The following DNAH1 variants were observed in gnomAD, a reference collection of about 807,000 sequenced individuals.
DNAH1 encodes the protein axonemal beta dynein heavy chain 1.
DNAH1 carries 327 observed loss-of-function variants against 484.3 expected under a neutral mutation model. The observed-to-expected ratio is 0.68, with a 90% CI of 0.62 to 0.74. The LOEUF (loss-of-function observed/expected upper bound fraction) is 0.74, where lower values mean the gene tolerates loss of function less well. DNAH1 is among the 30% of genes least tolerant of loss of function. DNAH1 has a pLI of 0.00. For synonymous variants in DNAH1, 2,192 were observed against 2,191.9 expected, an observed-to-expected ratio of 1.00 and a Z score of 0.00; for missense variants, 5,052 against 5,546.8, an observed-to-expected ratio of 0.91 and a Z score of 2.83.
At chr3:52,337,155 T>C (rs939988351) in intron 8 of DNAH1, among the ~76,000 whole-genome samples, 2 of 152,216 alleles carry the variant, frequency 1.3e-5, no homozygotes, top group Non-Finnish European at 2.9e-5. Flanking sequence ...CTTGGTTAAA[T>C]GTATTCCTAG....
chr3:52,323,737 G>T (rs983702757), intron 2 of DNAH1, 71 bp from the exon 3 acceptor site: 1 of 1,320,704 alleles, frequency 7.6e-7, no homozygotes, highest in Non-Finnish European at 1.1e-6. Context: ...GCCTGGGCTC[G>T]GGGTCCCTCC....
chr3:52,388,711 C>A (rs1294005909), intron 58 of DNAH1, 95 bp from the exon 59 acceptor site: 5 of 1,604,678 alleles, frequency 3.1e-6, no homozygotes, highest in Non-Finnish European at 4.2e-6. Flanking sequence ...GTCCACACCC[C>A]CTCCCTGGCA....
intron 26 of DNAH1, 102 bp downstream of exon 26, chr3:52,359,488 G>A: frequency 3.4e-6 from 5 of 1,469,928 alleles, no homozygotes; most frequent in South Asian, 2.7e-5. Flanking sequence ...GCCTGGAAGA[G>A]GCCTGGGGTT....
intron 1 of DNAH1, among the ~76,000 whole-genome samples, chr3:52,320,777 C>T (rs1455912525): frequency 6.7e-6 from 1 of 148,410 alleles, no homozygotes; most frequent in Non-Finnish European, 1.5e-5. Context: ...CATTAAGATG[C>T]TTTCCTTTTC....
rs540859113 is a variant in DNAH1 at position 52,372,605 on chromosome 3, C to T, written c.6827+218C>T. Among the ~76,000 whole-genome samples the T allele has an allele frequency of 9.2e-5, 14 of 152,362 alleles. No individual in the cohort carries two copies. In the South Asian group the frequency reaches 1.4e-3, roughly 16 times the overall value. On this transcript the variant is annotated intron_variant, in intron 43 of 77. Transcript: ENST00000420323. Reference sequence around the variant, plus strand: ...CAAAGCCAGTCAGCGAGTGGGTGCTCGCCCTGGCTGTGCCCTTGGACAGGG... The same window carrying T: ...CAAAGCCAGTCAGCGAGTGGGTGCTTGCCCTGGCTGTGCCCTTGGACAGGG...
At position 52,367,137 on chromosome 3, in the gene DNAH1, G is replaced by A. The variant is rs189779608; in HGVS notation, c.5765+250G>A. On this transcript the variant is annotated intron_variant, in intron 36 of 77. Transcript: ENST00000420323. Reference sequence around the variant, plus strand: ...TGGTAAGGCAAGAATGACTTAACACGCTCAGTGCCTCTGCAGTATCTGGCC... The same window carrying A: ...TGGTAAGGCAAGAATGACTTAACACACTCAGTGCCTCTGCAGTATCTGGCC... Among the ~76,000 whole-genome samples, 309 of 152,308 alleles carry A rather than the reference G, an allele frequency of 2.0e-3. 1 individual carries two copies. The highest frequency in any genetic ancestry group is 3.0e-3 in the Non-Finnish European group (203 of 68,034).
At chr3:52,374,134 A>G (rs1417603641) in intron 44 of DNAH1, 1 of 1,202,754 alleles carries the variant, frequency 8.3e-7, no homozygotes, top group Non-Finnish European at 1.2e-6. Flanking sequence ...TCTATGGGAA[A>G]TTCCTAGGCT....
upstream of DNAH1, among the ~76,000 whole-genome samples, chr3:52,314,189 T>C (rs1700877597): frequency 2.6e-5 from 4 of 152,258 alleles, no homozygotes; most frequent in South Asian, 8.3e-4. Flanking sequence ...TCCTTGGGAC[T>C]GAGGAAAAAT....
chr3:52,345,894 G>A (rs555747483), intron 10 of DNAH1, among the ~76,000 whole-genome samples, 188 bp downstream of exon 10: 3 of 152,308 alleles, frequency 2.0e-5, no homozygotes, highest in East Asian at 3.9e-4. Flanking sequence ...TGGGGACCAA[G>A]GGTAATGACT....
intron 17 of DNAH1, 119 bp downstream of exon 17, chr3:52,352,222 G>A (rs1459127617): frequency 1.3e-5 from 17 of 1,352,796 alleles, no homozygotes; most frequent in Non-Finnish European, 1.5e-5. Flanking sequence ...TGTGATGGGC[G>A]GGCAGATGGA....
rs754284210 is a variant in DNAH1 at position 52,345,500 on chromosome 3, G to T, written c.1450G>T (p.Val484Leu). ...EEEQVPERGLVSVPKYHFWEQ... is the reference protein window; with the variant it reads ...EEEQVPERGLLSVPKYHFWEQ... ...CTTGGCCCCTATCCCTGCAGGGCTG[G>T]TGAGTGTCCCCAAGTACCACTTCTG... Residue 484 changes from valine to leucine, a missense_variant, in exon 10 of 78, where the codon GTG becomes TTG. By Grantham distance (32) the Val-to-Leu change is conservative. Transcript: ENST00000420323. 6 of 1,562,720 alleles carry T rather than the reference G, an allele frequency of 3.8e-6. No individual in the cohort carries two copies. In the Admixed American group the frequency reaches 1.1e-4, roughly 30 times the overall value.
rs2153225706 is a variant in DNAH1, at chr3:52,395,294, C to T, written c.10969-14C>T. The T allele has an allele frequency of 6.2e-7, 1 of 1,612,058 alleles. No individual in the cohort carries two copies. Among genetic ancestry groups the T allele is most frequent in the African/African-American group, 1.3e-5 (1 of 75,004 alleles). On this transcript the variant is annotated splice_polypyrimidine_tract_variant and intron_variant, in intron 68 of 77. Transcript: ENST00000420323. This position sits in a 1 kb window ranked among gnomAD's most constrained non-coding sequence, Gnocchi z 4.4. ...AGCCCCAGGTGGTCTCAGCATCTCCCCCTGCCCTTGCAGACAGCCAATCTG... is the reference window on the plus strand; with the variant it reads ...AGCCCCAGGTGGTCTCAGCATCTCCTCCTGCCCTTGCAGACAGCCAATCTG...
At position 52,375,318 on chromosome 3, in the gene DNAH1, C is replaced by T. The variant is rs561335239; in HGVS notation, c.7064C>T (p.Pro2355Leu). Residue 2355 changes from proline to leucine, a missense_variant, in exon 45 of 78, where the codon CCG becomes CTG. Pro to Leu is a moderately conservative substitution (Grantham distance 98). Around this residue, in one of 4 missense-constraint regions of DNAH1, gnomAD observed 2,929 missense variants for 3,409.4 expected, o/e 0.86. Coordinates refer to ENST00000420323, the MANE Select transcript of DNAH1 (RefSeq NM_015512.5). The part of the protein sequence containing the change: ...PPGGGRNTVT[P>L]RLMRHFNYLS... ...GGTGGAGGCAGGAACACCGTCACCCCGCGGCTGATGCGTCACTTCAACTAC... is the reference window on the plus strand; with the variant it reads ...GGTGGAGGCAGGAACACCGTCACCCTGCGGCTGATGCGTCACTTCAACTAC... 1.7e-5 allele frequency: 28 copies of T among 1,612,996 alleles called. 1 individual carries two copies. The Admixed American group carries it at 2.0e-4, about 12-fold the overall frequency.
intron 59 of DNAH1, 112 bp from the exon 60 acceptor site, chr3:52,389,349 C>A (rs1209636580): frequency 2.7e-6 from 4 of 1,464,230 alleles, no homozygotes; most frequent in Admixed American, 3.9e-5. Flanking sequence ...AGGTATCTGG[C>A]TCCATGTCTG....
chr3:52,360,140 G>A, intron 27 of DNAH1, 61 bp downstream of exon 27: 1 of 1,607,856 alleles, frequency 6.2e-7, no homozygotes, highest in Non-Finnish European at 8.5e-7. Context: ...CAGGGGAAAA[G>A]AGAAAAGTCA....
chr3:52,366,977 G>C (rs1035367993), intron 36 of DNAH1, 90 bp downstream of exon 36: 30 of 1,462,308 alleles, frequency 2.1e-5, no homozygotes, highest in Non-Finnish European at 2.8e-5. Flanking sequence ...CATTAGCCCA[G>C]TGGAAGGCCG....
At chr3:52,369,701 G>T in intron 37 of DNAH1, 124 bp from the exon 38 acceptor site, 1 of 1,051,808 alleles carries the variant, frequency 9.5e-7, no homozygotes, top group Non-Finnish European at 1.4e-6. Flanking sequence ...CACTGCCCCT[G>T]CCCCACAGCC....
In DNAH1 at chr3:52,326,861, C is replaced by T; in HGVS notation, c.708C>T (p.Asp236=). 6.2e-7 allele frequency: 1 copy of T among 1,613,258 alleles called. No homozygotes were observed. The highest frequency in any genetic ancestry group is 8.5e-7 in the Non-Finnish European group (1 of 1,179,570). The change falls in exon 5 of 78, where the codon GAC becomes GAT. Residue 236 remains aspartate, a synonymous_variant. Coordinates refer to ENST00000420323, the MANE Select transcript of DNAH1 (RefSeq NM_015512.5). The part of the protein sequence containing the change: ...QHPQTIEQGH[D]PIFPIYLPLK... Reference sequence around the variant, plus strand: ...CCCAAACCATCGAACAGGGCCATGACCCAATCTTCCCCATCTACCTCCCAC... The same window carrying T: ...CCCAAACCATCGAACAGGGCCATGATCCAATCTTCCCCATCTACCTCCCAC...
Position 52,383,464 on chromosome 3 carries a change from G to C in DNAH1, c.8020G>C (p.Glu2674Gln). Reference sequence around the variant, plus strand: ...CATTCCCAATCTGTATACTGCGGACGAGCAGGACCAGATCGTCAGCACCAT... The same window carrying C: ...CATTCCCAATCTGTATACTGCGGACCAGCAGGACCAGATCGTCAGCACCAT... ...GDIPNLYTADEQDQIVSTMRP... is the reference protein window; with the variant it reads ...GDIPNLYTADQQDQIVSTMRP... Residue 2674 changes from glutamate to glutamine, a missense_variant, in exon 51 of 78, where the codon GAG becomes CAG. Around this residue, in one of 4 missense-constraint regions of DNAH1, gnomAD observed 2,929 missense variants for 3,409.4 expected, o/e 0.86. Transcript: ENST00000420323. 1 of 1,613,996 alleles carries C rather than the reference G, an allele frequency of 6.2e-7. No homozygotes were observed. The highest frequency in any genetic ancestry group is 8.5e-7 in the Non-Finnish European group (1 of 1,179,880).
Sources: gnomAD v4.1 joint callset for allele counts (sites outside exome capture counted in the v4.1 genomes callset) on GRCh38, gnomAD v4.1.1 for gene constraint, gnomAD v4.1.1 regional missense constraint, Gnocchi (gnomAD v3.1) non-coding constraint, MANE v1.5 for transcripts, NCBI Gene and HGNC (gene_info 2026-07-23, HGNC 2026-07-21) for gene names.